TYR: variants seen among roughly 807,000 people sequenced by gnomAD.
TYR encodes the protein tyrosinase.
A neutral mutation model predicts 51.5 loss-of-function variants in TYR; 58 were observed. The observed-to-expected ratio is 1.13, with a 90% confidence interval of 0.91 to 1.40. TYR has a LOEUF of 1.40. TYR is among the 40% of genes most tolerant of loss of function. The probability of loss-of-function intolerance (pLI) is 0.00; values close to 1 mark genes in which losing one functional copy is unlikely to be tolerated. For missense variants in TYR, 732 were observed against 647.4 expected (o/e 1.13, Z -1.42); for synonymous variants, 263 against 235.2 (o/e 1.12, Z -1.08).
intron 2 of TYR, among the ~76,000 whole-genome samples, chr11:89,201,534 A>G (rs1171603643): frequency 6.6e-6 from 1 of 152,246 alleles, no homozygotes; most frequent in Non-Finnish European, 1.5e-5. Flanking sequence ...GTTTTGCTTC[A>G]TTATGGACAT....
Position 89,202,673 on chromosome 11 carries a change from CTT to C in TYR, c.1036+11257_1036+11258del, listed in dbSNP as rs1237041650. 2.4e-5 allele frequency among the ~76,000 whole-genome samples: 2 copies of C among 83,236 alleles called. 1 individual carries two copies. Among genetic ancestry groups the C allele is most frequent in the Admixed American group, 2.4e-4 (2 of 8,232 alleles). The allele number at this position is 83,236 out of a possible 152,430, so 54.6% of individuals were successfully genotyped here. ...CACTGTATAGCTGGATCCTAGGAAA[CTT>C]TAATTTTAGTAAATGCCTCAGATGA... is the stretch of plus-strand genomic sequence containing the variant. On this transcript the variant is annotated intron_variant, in intron 2 of 4. Transcript: ENST00000263321.
At chr11:89,290,445 A>G (rs1219229660) in intron 4 of TYR, among the ~76,000 whole-genome samples, 1 of 152,040 alleles carries the variant, frequency 6.6e-6, no homozygotes, top group African/African-American at 2.4e-5. Context: ...ACAAAAAAGA[A>G]AATATTTATT....
At chr11:89,268,547 A>G (rs1944551881) in intron 3 of TYR, among the ~76,000 whole-genome samples, 1 of 151,956 alleles carries the variant, frequency 6.6e-6, no homozygotes, top group Non-Finnish European at 1.5e-5. Context: ...AAGTTGTCTT[A>G]GTCACTATTG....
In TYR at chr11:89,218,231, A is replaced by G. The variant is rs551825593; in HGVS notation, c.1037-9592A>G. ...AGGAATCTTCAAAAAAGTTAGCTTAATTGATTTTAAAATTATGCCAGCAAC... is the reference window on the plus strand; with the variant it reads ...AGGAATCTTCAAAAAAGTTAGCTTAGTTGATTTTAAAATTATGCCAGCAAC... On this transcript the variant is annotated intron_variant, in intron 2 of 4. Transcript: ENST00000263321. 3.9e-5 allele frequency among the ~76,000 whole-genome samples: 6 copies of G among 152,334 alleles called. No individual in the cohort carries two copies. In the South Asian group the frequency reaches 1.2e-3, roughly 32 times the overall value.
At chr11:89,212,454 C>A (rs917443985) in intron 2 of TYR, among the ~76,000 whole-genome samples, 5 of 152,038 alleles carry the variant, frequency 3.3e-5, no homozygotes, top group African/African-American at 1.2e-4. Context: ...AATAGCCTAC[C>A]AACTAAAAAA....
chr11:89,295,587 A>G lies in TYR; in HGVS notation c.*221A>G. On this transcript the variant is annotated 3_prime_UTR_variant, in exon 5 of 5. Transcript: ENST00000263321. ...TTTTAACATTTTCCCCTAAGCCCAT[A>G]TGTCTAAGGAAAGGATGCTATTTGG... is the stretch of plus-strand genomic sequence containing the variant. 1.8e-6 allele frequency: 1 copy of G among 556,692 alleles called. No homozygotes were observed. The allele number at this position is 556,692 out of a possible 1,614,324, so 34.5% of individuals were successfully genotyped here. A position where few individuals can be genotyped will look rare whatever the true frequency, so the allele number is the denominator to read the frequency against.
intron 2 of TYR, among the ~76,000 whole-genome samples, chr11:89,211,252 G>T (rs1943751115): frequency 6.6e-6 from 1 of 151,798 alleles, no homozygotes; most frequent in African/African-American, 2.4e-5. Context: ...CAAAATAAAG[G>T]GACTGAAGAA....
chr11:89,260,728 A>G (rs1024503248), intron 3 of TYR, among the ~76,000 whole-genome samples: 4 of 152,194 alleles, frequency 2.6e-5, no homozygotes, highest in African/African-American at 9.6e-5. Context: ...ATATAAGGCT[A>G]TAAATCCAGG....
At chr11:89,264,402 G>C (rs1944499778) in intron 3 of TYR, among the ~76,000 whole-genome samples, 1 of 151,574 alleles carries the variant, frequency 6.6e-6, no homozygotes, top group Admixed American at 6.6e-5. Context: ...TAAGTTCAGG[G>C]GTACATGTGC....
chr11:89,187,368 G>C (rs1052415431), intron 1 of TYR, among the ~76,000 whole-genome samples: 1 of 152,160 alleles, frequency 6.6e-6, no homozygotes, highest in South Asian at 2.1e-4. Flanking sequence ...TGTGATTATA[G>C]AAATCAGTAC....
chr11:89,242,234 G>T (rs753794151), intron 3 of TYR, among the ~76,000 whole-genome samples: 35 of 152,040 alleles, frequency 2.3e-4, no homozygotes, highest in South Asian at 1.0e-3. Context: ...TTGAGATGGG[G>T]TCTTTCTCTG....
chr11:89,295,531 C>T lies in TYR; in HGVS notation c.*165C>T. 1.2e-5 allele frequency: 10 copies of T among 823,468 alleles called. No homozygotes were observed. The highest frequency in any genetic ancestry group is 1.9e-5 in the Non-Finnish European group (10 of 516,872). 51.0% of individuals were successfully genotyped at this position (823,468 alleles called of 1,614,324 possible). A position where few individuals can be genotyped will look rare whatever the true frequency, so the allele number is the denominator to read the frequency against. On this transcript the variant is annotated 3_prime_UTR_variant, in exon 5 of 5. Transcript: ENST00000263321. ...TTCTTCCAACTCAGGTAGAACACAC[C>T]TGTCTTTGTCTTGCTGTTTTCACTC...
intron 1 of TYR, among the ~76,000 whole-genome samples, chr11:89,182,475 G>C (rs140392363): frequency 6.6e-6 from 1 of 152,094 alleles, no homozygotes; most frequent in Non-Finnish European, 1.5e-5. Context: ...GTATGTCTGC[G>C]TGTGTGCATG....
chr11:89,197,738 T>TA (rs1943540170), intron 2 of TYR, among the ~76,000 whole-genome samples: 1 of 152,074 alleles, frequency 6.6e-6, no homozygotes, highest in African/African-American at 2.4e-5. Flanking sequence ...TCTCGGTGAC[T>TA]GACTGTAAGG....
intron 2 of TYR, among the ~76,000 whole-genome samples, chr11:89,208,277 G>GA (rs1171275460): frequency 6.6e-6 from 1 of 151,792 alleles, no homozygotes; most frequent in Non-Finnish European, 1.5e-5. Flanking sequence ...CTCAAGAAAA[G>GA]AAAAAAAGTT....
At position 89,206,796 on chromosome 11, in the gene TYR, A is replaced by G. The variant is rs540779799; in HGVS notation, c.1036+15378A>G. Among the ~76,000 whole-genome samples, 6 of 152,284 alleles carry G rather than the reference A, an allele frequency of 3.9e-5. 1 individual carries two copies. In the South Asian group the frequency reaches 6.2e-4, roughly 16 times the overall value. On this transcript the variant is annotated intron_variant, in intron 2 of 4. Transcript: ENST00000263321. ...ATACAGACTGTGTTCTCCTACCCCA[A>G]TGGAATCAAACTAGAAATCAATAAC...
intron 2 of TYR, among the ~76,000 whole-genome samples, chr11:89,222,970 C>T (rs904867215): frequency 6.6e-6 from 1 of 152,104 alleles, no homozygotes; most frequent in Non-Finnish European, 1.5e-5. Flanking sequence ...ACACATTCTG[C>T]ACCTTGCTGT....
intron 2 of TYR, among the ~76,000 whole-genome samples, chr11:89,222,477 G>T (rs1043985672): frequency 6.6e-6 from 1 of 152,302 alleles, no homozygotes; most frequent in East Asian, 1.9e-4. Flanking sequence ...GGTGTCTCAC[G>T]CCTGTAATCC....
chr11:89,208,805 C>T (rs1350736956), intron 2 of TYR, among the ~76,000 whole-genome samples: 1 of 152,148 alleles, frequency 6.6e-6, no homozygotes, highest in Non-Finnish European at 1.5e-5. Flanking sequence ...TTTTATTTAT[C>T]CACCAGCATT....
Sources: allele counts gnomAD v4.1 joint callset (sites outside exome capture counted in the v4.1 genomes callset), GRCh38; gene constraint gnomAD v4.1.1; transcripts MANE v1.5; gene names NCBI Gene and HGNC (gene_info 2026-07-23, HGNC 2026-07-21).